EIF4G3: variants seen among roughly 807,000 people sequenced by gnomAD.
EIF4G3 encodes eIF-4-gamma 3.
A neutral mutation model predicts 186.4 loss-of-function variants in EIF4G3; 34 were observed. That is an observed-to-expected ratio of 0.18 (90% CI 0.14 to 0.24). The LOEUF (loss-of-function observed/expected upper bound fraction) is 0.24, where lower values mean the gene tolerates loss of function less well. EIF4G3 is among the 10% of genes least tolerant of loss of function. The probability of loss-of-function intolerance (pLI) is 1.00; values close to 1 mark genes in which losing one functional copy is unlikely to be tolerated. For missense variants in EIF4G3, 1,536 were observed against 1,948.5 expected (o/e 0.79, Z 3.99); for synonymous variants, 673 against 679.5 (o/e 0.99, Z 0.15).
At chr1:20,812,486 TAG>T (rs1347267502) in intron 35 of EIF4G3, among the ~76,000 whole-genome samples, 1 of 152,228 alleles carries the variant, frequency 6.6e-6, no homozygotes, top group African/African-American at 2.4e-5. Context: ...ATCTTCAAAA[TAG>T]AGACAGACTT....
chr1:21,095,110 T>C (rs75770281), intron 2 of EIF4G3, among the ~76,000 whole-genome samples: 3,121 of 152,262 alleles, frequency 0.02, 61 homozygotes, highest in Non-Finnish European at 0.027. Flanking sequence ...TGTATATTAC[T>C]TAACACGCCT....
chr1:21,148,580 T>C lies in EIF4G3; in HGVS notation c.-272+27595A>G, dbSNP rs577227055. ...AGCTGGCTGTGGTGGCAGGTGCCTG[T>C]AGTCCCAGCTACTCGAGAGGCTAAG... On this transcript the variant is annotated intron_variant, in intron 2 of 36. Coordinates refer to ENST00000602326, the MANE Select transcript of EIF4G3 (RefSeq NM_001391906.1). Among the ~76,000 whole-genome samples, 189 of 151,760 alleles carry C rather than the reference T, an allele frequency of 1.2e-3. 1 individual carries two copies. The highest frequency in any genetic ancestry group is 4.3e-3 in the African/African-American group (179 of 41,402).
In EIF4G3 at chr1:20,997,597, G is replaced by A; in HGVS notation, c.177+4C>T. 3 of 1,549,526 alleles carry A rather than the reference G, an allele frequency of 1.9e-6. No homozygotes were observed. In the South Asian group the frequency reaches 3.6e-5, roughly 18 times the overall value. On this transcript the variant is annotated splice_donor_region_variant and intron_variant, in intron 7 of 36. Transcript: ENST00000602326. Reference sequence around the variant, plus strand: ...GTGATAGTGAAGGGGCAAGGGTACAGTACCTGATGATGGGGAGGTCGAGGC... The same window carrying A: ...GTGATAGTGAAGGGGCAAGGGTACAATACCTGATGATGGGGAGGTCGAGGC...
At chr1:20,831,434 T>TG (rs1032619968) in intron 30 of EIF4G3, among the ~76,000 whole-genome samples, 33 of 151,874 alleles carry the variant, frequency 2.2e-4, no homozygotes, top group African/African-American at 7.5e-4. Flanking sequence ...AGATCTCCCG[T>TG]GTTAGTGTTA....
At chr1:21,010,711 T>C (rs1242637075) in intron 4 of EIF4G3, among the ~76,000 whole-genome samples, 1 of 152,226 alleles carries the variant, frequency 6.6e-6, no homozygotes, top group African/African-American at 2.4e-5. Context: ...TTAATTCCCA[T>C]GTTTTGCTTT....
intron 2 of EIF4G3, among the ~76,000 whole-genome samples, chr1:21,146,232 T>C (rs1573304456): frequency 6.6e-6 from 1 of 152,198 alleles, no homozygotes. Context: ...GGTGTGCACC[T>C]GTAGTCCTAG....
Position 21,076,125 on chromosome 1 carries a change from A to C in EIF4G3, c.-196+13013T>G, listed in dbSNP as rs116696258. Among the ~76,000 whole-genome samples, 324 of 152,318 alleles carry C rather than the reference A, an allele frequency of 2.1e-3. 2 individuals carry two copies. The highest frequency in any genetic ancestry group is 7.3e-3 in the African/African-American group (302 of 41,568). ...AAGTCTCAGCAAATTTAAAAGAAATAAAATCATACCAAGTATCTTTTCTGA... is the reference window on the plus strand; with the variant it reads ...AAGTCTCAGCAAATTTAAAAGAAATCAAATCATACCAAGTATCTTTTCTGA... On this transcript the variant is annotated intron_variant, in intron 3 of 36. Coordinates refer to ENST00000602326, the MANE Select transcript of EIF4G3 (RefSeq NM_001391906.1).
intron 10 of EIF4G3, among the ~76,000 whole-genome samples, chr1:20,975,063 A>C (rs2076585483): frequency 6.6e-6 from 1 of 152,164 alleles, no homozygotes; most frequent in South Asian, 2.1e-4. Flanking sequence ...TTCTGTAGGT[A>C]TCAATCAGGT....
intron 30 of EIF4G3, among the ~76,000 whole-genome samples, chr1:20,836,814 C>T (rs979074034): frequency 2.6e-5 from 4 of 152,124 alleles, no homozygotes; most frequent in Non-Finnish European, 4.4e-5. Context: ...ATTTACTAGA[C>T]AGTTTTTAAA....
At chr1:20,821,735 C>T (rs2062424892) in intron 33 of EIF4G3, among the ~76,000 whole-genome samples, 2 of 148,694 alleles carry the variant, frequency 1.3e-5, no homozygotes, top group Admixed American at 1.3e-4. Flanking sequence ...ATTATGTATA[C>T]TTCACCATCT....
intron 16 of EIF4G3, among the ~76,000 whole-genome samples, chr1:20,898,966 G>C (rs191563050): frequency 6.6e-6 from 1 of 152,258 alleles, no homozygotes; most frequent in East Asian, 1.9e-4. Context: ...CCAACCTCAG[G>C]TGATCCGCCC....
At chr1:21,176,678 G>T (rs960303799) in intron 1 of EIF4G3, 44 bp downstream of exon 1, 6 of 591,040 alleles carry the variant, frequency 1.0e-5, no homozygotes, top group East Asian at 3.4e-5. Context: ...CGACCCCAGG[G>T]GGGGGGCCGG....
At chr1:21,060,629 T>C (rs563355315) in intron 3 of EIF4G3, among the ~76,000 whole-genome samples, 5 of 152,230 alleles carry the variant, frequency 3.3e-5, no homozygotes, top group African/African-American at 9.6e-5. Context: ...AAAGCTATCA[T>C]GCCAGGCCAC....
chr1:20,983,488 C>T (rs1014968008), intron 7 of EIF4G3, among the ~76,000 whole-genome samples: 1 of 152,182 alleles, frequency 6.6e-6, no homozygotes, highest in Admixed American at 6.5e-5. Flanking sequence ...CTCGTAATTA[C>T]AAAGCAAACA....
intron 13 of EIF4G3, among the ~76,000 whole-genome samples, chr1:20,946,132 T>C (rs1453874897): frequency 6.6e-6 from 1 of 152,188 alleles, no homozygotes; most frequent in Non-Finnish European, 1.5e-5. Flanking sequence ...CTGAGCATCC[T>C]GCAATTTGAG....
At chr1:21,139,639 G>A (rs187848585) in intron 2 of EIF4G3, among the ~76,000 whole-genome samples, 448 of 152,274 alleles carry the variant, frequency 2.9e-3, no homozygotes, top group Non-Finnish European at 5.4e-3. Context: ...TCTTAAGCTA[G>A]GGGTCTTAAC....
At chr1:20,952,926 T>C (rs2154563693) in intron 12 of EIF4G3, among the ~76,000 whole-genome samples, 1 of 152,000 alleles carries the variant, frequency 6.6e-6, no homozygotes, top group East Asian at 1.9e-4. Flanking sequence ...AAAGAAAAAA[T>C]AATGATGAAC....
Position 20,941,747 on chromosome 1 carries a change from G to T in EIF4G3, c.1407C>A (p.Ser469=), listed in dbSNP as rs2095724154. Reference sequence around the variant, plus strand: ...GAGGAGTTGGAGGAGTTGGAGGAAAGGAAGGAACTGTGGAAGGGGTGATGG... The same window carrying T: ...GAGGAGTTGGAGGAGTTGGAGGAAATGAAGGAACTGTGGAAGGGGTGATGG... The part of the protein sequence containing the change: ...PAPITPSTVP[S]FPPTPPTPPA... The change falls in exon 14 of 37, where the codon TCC becomes TCA. Residue 469 remains serine (S), a synonymous_variant. Transcript: ENST00000602326. The T allele has an allele frequency of 6.2e-7, 1 of 1,610,748 alleles. No homozygotes were observed. The highest frequency in any genetic ancestry group is 1.3e-5 in the African/African-American group (1 of 74,778).
chr1:20,962,976 TC>T (rs2154564825), intron 12 of EIF4G3, among the ~76,000 whole-genome samples: 1 of 148,590 alleles, frequency 6.7e-6, no homozygotes, highest in South Asian at 2.3e-4. Context: ...GGTCTCATAC[TC>T]CTGGGCTGAA....
Sources: allele counts gnomAD v4.1 joint callset (sites outside exome capture counted in the v4.1 genomes callset), GRCh38; gene constraint gnomAD v4.1.1; transcripts MANE v1.5; gene names NCBI Gene and HGNC (gene_info 2026-07-23, HGNC 2026-07-21).